Variants in NKAIN3 observed in about 807,000 individuals in gnomAD.
The protein encoded by NKAIN3 is sodium/potassium-transporting ATPase subunit beta-1-interacting protein 3.
A neutral mutation model predicts 30.2 loss-of-function variants in NKAIN3; 25 were observed. The ratio of observed to expected loss-of-function variants is 0.83; its 90% CI spans 0.60 to 1.16. NKAIN3 has a LOEUF of 1.16. Among genes scored for constraint, NKAIN3 ranks in the 50% most tolerant of loss-of-function variants. The probability of loss-of-function intolerance (pLI) is 0.00; values close to 1 mark genes in which losing one functional copy is unlikely to be tolerated. For missense variants in NKAIN3, 225 were observed against 254.1 expected (o/e 0.89, Z 0.78); for synonymous variants, 91 against 89.6 (o/e 1.02, Z -0.09).
At chr8:62,946,896 G>A (rs1364468570) in intron 5 of NKAIN3, among the ~76,000 whole-genome samples, 1 of 152,158 alleles carries the variant, frequency 6.6e-6, no homozygotes, top group Non-Finnish European at 1.5e-5. Flanking sequence ...CAGTGACGAG[G>A]CAGTGTGCAA....
Position 62,581,258 on chromosome 8 carries a change from C to A in NKAIN3, c.192+1582C>A, listed in dbSNP as rs73255083. 6.2e-3 allele frequency among the ~76,000 whole-genome samples: 942 copies of A among 152,190 alleles called. 9 individuals carry two copies. The highest frequency in any genetic ancestry group is 0.022 in the African/African-American group (898 of 41,516). On this transcript the variant is annotated intron_variant, in intron 2 of 6. Coordinates refer to ENST00000623646, the MANE Select transcript of NKAIN3 (RefSeq NM_001304533.3). ...CTTGAGGCCTAAGATGCTTTCATAA[C>A]ATGCATAATCAAGCTATTATCAAAT...
chr8:62,512,520 T>G (rs1364064675), intron 1 of NKAIN3, among the ~76,000 whole-genome samples: 2 of 152,188 alleles, frequency 1.3e-5, no homozygotes, highest in Non-Finnish European at 2.9e-5. Context: ...CTTTGTAGTC[T>G]GTTCTGTTTC....
At chr8:62,305,487 C>T (rs1814202202) in intron 1 of NKAIN3, among the ~76,000 whole-genome samples, 1 of 150,624 alleles carries the variant, frequency 6.6e-6, no homozygotes. Flanking sequence ...CAATATACTT[C>T]ATTAAGTGCC....
At chr8:62,902,249 A>G (rs1306047280) in intron 4 of NKAIN3, among the ~76,000 whole-genome samples, 1 of 151,808 alleles carries the variant, frequency 6.6e-6, no homozygotes, top group African/African-American at 2.4e-5. Flanking sequence ...AAAGGGGCAC[A>G]AAAAGAGTCC....
intron 3 of NKAIN3, among the ~76,000 whole-genome samples, chr8:62,620,016 T>C (rs2130224950): frequency 6.6e-6 from 1 of 152,158 alleles, no homozygotes; most frequent in Middle Eastern, 3.2e-3. Context: ...CACATAAATT[T>C]ATCTCAAAAG....
chr8:62,429,290 C>T (rs1804919154), intron 1 of NKAIN3, among the ~76,000 whole-genome samples: 1 of 151,758 alleles, frequency 6.6e-6, no homozygotes, highest in Admixed American at 6.6e-5. Flanking sequence ...TCTTCTACAC[C>T]CACTTTGTTG....
intron 1 of NKAIN3, among the ~76,000 whole-genome samples, chr8:62,395,527 A>T (rs1460786793): frequency 6.6e-6 from 1 of 152,238 alleles, no homozygotes; most frequent in Non-Finnish European, 1.5e-5. Flanking sequence ...AAATTATTTT[A>T]AGCAAGAGAC....
intron 1 of NKAIN3, among the ~76,000 whole-genome samples, chr8:62,285,111 C>T (rs1321960175): frequency 6.6e-6 from 1 of 152,134 alleles, no homozygotes; most frequent in Non-Finnish European, 1.5e-5. Flanking sequence ...AAAACCAATC[C>T]TTTAATCTTA....
intron 5 of NKAIN3, among the ~76,000 whole-genome samples, chr8:62,997,378 A>C (rs966684794): frequency 1.3e-5 from 2 of 152,142 alleles, no homozygotes; most frequent in African/African-American, 2.4e-5. Flanking sequence ...AAACCATGGC[A>C]GTGAGTAAGA....
chr8:62,474,734 G>A (rs1285868509), intron 1 of NKAIN3, among the ~76,000 whole-genome samples: 1 of 152,140 alleles, frequency 6.6e-6, no homozygotes, highest in Non-Finnish European at 1.5e-5. Context: ...GAGAGAAATT[G>A]TTGCCAACAG....
At chr8:62,258,769 G>A (rs1812338913) in intron 1 of NKAIN3, among the ~76,000 whole-genome samples, 1 of 152,078 alleles carries the variant, frequency 6.6e-6, no homozygotes. Context: ...GGATGCTTTG[G>A]GAAAAAGATG....
At chr8:62,774,145 A>C (rs1817107185) in intron 4 of NKAIN3, among the ~76,000 whole-genome samples, 1 of 152,052 alleles carries the variant, frequency 6.6e-6, no homozygotes, top group Non-Finnish European at 1.5e-5. Context: ...TAATTTCTGC[A>C]TATTTTGCTT....
intron 4 of NKAIN3, among the ~76,000 whole-genome samples, chr8:62,889,943 CAA>C (rs1183780351): frequency 6.6e-6 from 1 of 151,822 alleles, no homozygotes; most frequent in Non-Finnish European, 1.5e-5. Context: ...TAAAAAAAAA[CAA>C]AGTTTCTCAA....
At chr8:62,886,315 CTTAT>C (rs997752016) in intron 4 of NKAIN3, among the ~76,000 whole-genome samples, 2 of 151,920 alleles carry the variant, frequency 1.3e-5, no homozygotes, top group Admixed American at 1.3e-4. Context: ...TGTATCACTA[CTTAT>C]TTATTTTACT....
At position 62,692,205 on chromosome 8, in the gene NKAIN3, G is replaced by A. The variant is rs1259075055; in HGVS notation, c.274-54727G>A. ...AAATGAAGAAGCCAGCCCAGATTCA[G>A]GAGCTGGAGAAATGCACTCAGCCTC... On this transcript the variant is annotated intron_variant, in intron 3 of 6. Coordinates refer to ENST00000623646, the MANE Select transcript of NKAIN3 (RefSeq NM_001304533.3). Among the ~76,000 whole-genome samples, 8 of 152,278 alleles carry A rather than the reference G, an allele frequency of 5.3e-5. No individual in the cohort carries two copies. In the South Asian group the frequency reaches 1.4e-3, roughly 28 times the overall value.
At chr8:62,621,406 G>C (rs4480117) in intron 3 of NKAIN3, among the ~76,000 whole-genome samples, 73,145 of 151,844 alleles carry the variant, frequency 0.48, 20,694 homozygotes, top group African/African-American at 0.79. Flanking sequence ...TAATTGTTAA[G>C]AAGAAAGAAA....
intron 4 of NKAIN3, among the ~76,000 whole-genome samples, chr8:62,893,730 G>A (rs1363220387): frequency 6.6e-6 from 1 of 152,152 alleles, no homozygotes; most frequent in African/African-American, 2.4e-5. Flanking sequence ...AACTGGGAAG[G>A]TAAAAATGGA....
At chr8:62,902,524 C>G (rs1821643144) in intron 4 of NKAIN3, among the ~76,000 whole-genome samples, 1 of 152,140 alleles carries the variant, frequency 6.6e-6, no homozygotes, top group Admixed American at 6.5e-5. Flanking sequence ...TTATAAGTCC[C>G]CATAGCCACA....
intron 5 of NKAIN3, among the ~76,000 whole-genome samples, chr8:62,947,025 G>T (rs1194875429): frequency 6.6e-6 from 1 of 152,172 alleles, no homozygotes; most frequent in Non-Finnish European, 1.5e-5. Flanking sequence ...CACTTTAAGT[G>T]TATCAAAGGC....
Sources: gnomAD v4.1 joint callset for allele counts (sites outside exome capture counted in the v4.1 genomes callset) on GRCh38, gnomAD v4.1.1 for gene constraint, MANE v1.5 for transcripts, NCBI Gene and HGNC (gene_info 2026-07-23, HGNC 2026-07-21) for gene names.